Variants in UPF1 observed in about 807,000 individuals in gnomAD.
UPF1 encodes the protein UPF1 RNA helicase and ATPase, also known as regulator of nonsense transcripts 1.
Under a neutral mutation model 129.2 loss-of-function variants are expected in UPF1, and 9 were observed. That is an observed-to-expected ratio of 0.07 (90% CI 0.04 to 0.12). The LOEUF (loss-of-function observed/expected upper bound fraction) is 0.12, where lower values mean the gene tolerates loss of function less well. Ranked by LOEUF, UPF1 falls within the 10% of genes least tolerant of loss-of-function variation. The probability of loss-of-function intolerance (pLI) is 1.00; values close to 1 mark genes in which losing one functional copy is unlikely to be tolerated. For synonymous variants in UPF1, 649 were observed against 644.9 expected, an observed-to-expected ratio of 1.01 and a Z score of -0.10; for missense variants, 788 against 1,525.3, an observed-to-expected ratio of 0.52 and a Z score of 8.05.
Position 18,853,371 on chromosome 19 carries a change from G to T in UPF1, c.1156+21G>T. Reference sequence around the variant, plus strand: ...TGATAGTATCCTTCATGTGAAGAGGGTGTGGCCGGCTGGTGGGAGAGGAAA... The same window carrying T: ...TGATAGTATCCTTCATGTGAAGAGGTTGTGGCCGGCTGGTGGGAGAGGAAA... On this transcript the variant is annotated intron_variant, in intron 8 of 23. Coordinates refer to ENST00000262803, the MANE Select transcript of UPF1 (RefSeq NM_002911.4). The surrounding 1 kb of genome is among the most constrained non-coding windows in gnomAD (Gnocchi z 4.4). The T allele has an allele frequency of 1.3e-6, 2 of 1,579,018 alleles. No homozygotes were observed. The highest frequency in any genetic ancestry group is 1.7e-6 in the Non-Finnish European group (2 of 1,162,766).
chr19:18,843,518 G>GTTTTTTTTTTT (rs35934501), intron 1 of UPF1, among the ~76,000 whole-genome samples: 2 of 124,058 alleles, frequency 1.6e-5, no homozygotes, highest in Non-Finnish European at 1.6e-5. Context: ...GACTTTCTTT[G>GTTTTTTTTTTT]TTTTTTTTTT....
intron 15 of UPF1, chr19:18,859,295 C>T (rs563108947): frequency 5.9e-5 from 9 of 152,338 alleles, no homozygotes; most frequent in East Asian, 1.9e-4. Flanking sequence ...GTAGTTCACA[C>T]CCAGGAAGTA....
chr19:18,848,617 T>G (rs2055624926), intron 3 of UPF1, among the ~76,000 whole-genome samples: 1 of 151,848 alleles, frequency 6.6e-6, no homozygotes, highest in Non-Finnish European at 1.5e-5. Context: ...GGAGGCAGGC[T>G]TACTTGTGCT....
chr19:18,855,305 G>A, intron 11 of UPF1, 63 bp downstream of exon 11: 1 of 1,560,604 alleles, frequency 6.4e-7, no homozygotes, highest in Non-Finnish European at 8.7e-7. Flanking sequence ...CAGATGGAAG[G>A]CCTGGTGCTG....
chr19:18,858,717 C>T (rs1167081035), intron 15 of UPF1, among the ~76,000 whole-genome samples: 1 of 151,962 alleles, frequency 6.6e-6, no homozygotes, highest in Non-Finnish European at 1.5e-5. Context: ...CAGCTGCCTC[C>T]GATTCAGCCA....
At chr19:18,857,286 G>A (rs1157511867) in intron 14 of UPF1, 34 bp from the exon 15 acceptor site, 9 of 1,590,690 alleles carry the variant, frequency 5.7e-6, no homozygotes, top group Non-Finnish European at 6.8e-6. Context: ...TCACACCTGA[G>A]CTTCTTGACT....
Position 18,852,119 on chromosome 19 carries a change from T to C in UPF1, c.811-16T>C, listed in dbSNP as rs769987618. On this transcript the variant is annotated splice_polypyrimidine_tract_variant and intron_variant, in intron 5 of 23. Coordinates refer to ENST00000262803, the MANE Select transcript of UPF1 (RefSeq NM_002911.4). ...GAAAAACAGGACGAGTGTGGCGCGG[T>C]GTTGTTGTCTTCTAGGAAAACCCTT... The C allele has an allele frequency of 1.3e-6, 2 of 1,595,732 alleles. No homozygotes were observed. Among genetic ancestry groups the C allele is most frequent in the Non-Finnish European group, 1.7e-6 (2 of 1,171,150 alleles).
At chr19:18,860,768 G>A in intron 16 of UPF1, 58 bp from the exon 17 acceptor site, 1 of 1,600,230 alleles carries the variant, frequency 6.2e-7, no homozygotes, top group East Asian at 2.2e-5. Context: ...ACGGCCTCCA[G>A]CCTCAGGGCT....
At chr19:18,849,931 C>A in intron 3 of UPF1, 144 bp from the exon 4 acceptor site, 1 of 1,012,410 alleles carries the variant, frequency 9.9e-7, no homozygotes, top group East Asian at 2.6e-5. Flanking sequence ...AGGGCTGGCC[C>A]CCAGAGATGC....
chr19:18,844,941 A>C (rs2055581735), intron 1 of UPF1, among the ~76,000 whole-genome samples: 1 of 152,266 alleles, frequency 6.6e-6, no homozygotes, highest in African/African-American at 2.4e-5. Flanking sequence ...GCAGGGCAGC[A>C]TTGGGCCCAG....
At position 18,832,046 on chromosome 19, in the gene UPF1, CTG is replaced by C. The variant is rs1334742387; in HGVS notation, c.-162_-161del. 1.8e-6 allele frequency: 1 copy of C among 551,664 alleles called. No individual in the cohort carries two copies. Among genetic ancestry groups the C allele is most frequent in the Non-Finnish European group, 2.7e-6 (1 of 370,710 alleles). The allele number at this position is 551,664 out of a possible 1,614,324, so 34.2% of individuals were successfully genotyped here. A position where few individuals can be genotyped will look rare whatever the true frequency, so the allele number is the denominator to read the frequency against. On this transcript the variant is annotated 5_prime_UTR_variant, in exon 1 of 24. Coordinates refer to ENST00000262803, the MANE Select transcript of UPF1 (RefSeq NM_002911.4). The surrounding 1 kb of genome is among the most constrained non-coding windows in gnomAD (Gnocchi z 5.6). ...CGGCGGCAGCGGCGGCGGCTCGGCA[CTG>C]TTACCTCTCGGTCCGGCTGGCGCCG...
chr19:18,840,821 C>T (rs1203624984), intron 1 of UPF1, among the ~76,000 whole-genome samples: 2 of 152,192 alleles, frequency 1.3e-5, no homozygotes, highest in African/African-American at 2.4e-5. Flanking sequence ...GTGCCTTTTT[C>T]TGTGTTGGTC....
At chr19:18,836,738 A>T (rs954797240) in intron 1 of UPF1, among the ~76,000 whole-genome samples, 1 of 149,622 alleles carries the variant, frequency 6.7e-6, no homozygotes, top group Non-Finnish European at 1.5e-5. Context: ...GGGAGATACC[A>T]CTATCCACCC....
At position 18,863,628 on chromosome 19, in the gene UPF1, G is replaced by A. The variant is rs1252522791; in HGVS notation, c.2775+16G>A. 4 of 1,607,208 alleles carry A rather than the reference G, an allele frequency of 2.5e-6. No homozygotes were observed. The African/African-American group carries it at 5.4e-5, about 21-fold the overall frequency. ...TATCAACCCGGTGAGCGCCTGCACA[G>A]GACAGCAGGGCAGCACGGAGAAACC... On this transcript the variant is annotated intron_variant, in intron 19 of 23. Transcript: ENST00000262803.
intron 1 of UPF1, chr19:18,833,017 G>GT (rs1456800003): frequency 1.3e-5 from 2 of 152,234 alleles, no homozygotes; most frequent in Non-Finnish European, 2.9e-5. Context: ...CTTTCCGGGA[G>GT]TATCCAGGGT....
chr19:18,838,668 G>A (rs541255419), intron 1 of UPF1, among the ~76,000 whole-genome samples: 1 of 151,612 alleles, frequency 6.6e-6, no homozygotes, highest in Non-Finnish European at 1.5e-5. Context: ...AAATGCTCAT[G>A]ACTTCATTTT....
chr19:18,857,574 G>A, intron 15 of UPF1, 41 bp downstream of exon 15: 1 of 1,538,410 alleles, frequency 6.5e-7, no homozygotes, highest in Non-Finnish European at 8.8e-7. Context: ...CTACAGAGAA[G>A]CGGCATCAAG....
Position 18,856,057 on chromosome 19 carries a change from G to T in UPF1, c.1677G>T (p.Leu559=). Residue 559 remains leucine, a synonymous_variant, in exon 12 of 24, where the codon CTG becomes CTT. Coordinates refer to ENST00000262803, the MANE Select transcript of UPF1 (RefSeq NM_002911.4). Reference sequence around the variant, plus strand: ...CCATCGACTCCCCGGTGTCTTTTCTGGCCCTGCACAACCAGATCAGGAACA... The same window carrying T: ...CCATCGACTCCCCGGTGTCTTTTCTTGCCCTGCACAACCAGATCAGGAACA... ...REAIDSPVSF[L]ALHNQIRNMD... is the part of the protein sequence containing the mutation. The T allele has an allele frequency of 3.1e-6, 5 of 1,614,066 alleles. No individual in the cohort carries two copies. The highest frequency in any genetic ancestry group is 4.2e-6 in the Non-Finnish European group (5 of 1,180,030).
rs1379123495 is a variant in UPF1 at position 18,860,222 on chromosome 19, C to G, written c.2183-99C>G. ...AGATCGAAGTCTCCTGCCCCAGGAC[C>G]TGCAGCACTGTAGCGTAGCAACTAC... is the stretch of plus-strand genomic sequence containing the variant. On this transcript the variant is annotated intron_variant, in intron 15 of 23. Transcript: ENST00000262803. 7 of 1,270,262 alleles carry G rather than the reference C, an allele frequency of 5.5e-6. No individual in the cohort carries two copies. In the East Asian group the frequency reaches 1.6e-4, roughly 30 times the overall value. 78.7% of individuals were successfully genotyped at this position (1,270,262 alleles called of 1,614,324 possible). A position where few individuals can be genotyped will look rare whatever the true frequency, so the allele number is the denominator to read the frequency against.
Sources: gnomAD v4.1 joint callset for allele counts (sites outside exome capture counted in the v4.1 genomes callset) on GRCh38, gnomAD v4.1.1 for gene constraint, Gnocchi (gnomAD v3.1) non-coding constraint, MANE v1.5 for transcripts, NCBI Gene and HGNC (gene_info 2026-07-23, HGNC 2026-07-21) for gene names.